ROBO2: variants seen among roughly 807,000 people sequenced by gnomAD.
ROBO2 encodes roundabout homolog 2.
Under a neutral mutation model 160.8 loss-of-function variants are expected in ROBO2, and 53 were observed. That is an observed-to-expected ratio of 0.33 (90% confidence interval 0.26 to 0.41). The LOEUF (loss-of-function observed/expected upper bound fraction) is 0.41, where lower values mean the gene tolerates loss of function less well. ROBO2 is among the 10% of genes least tolerant of loss of function. The probability of loss-of-function intolerance (pLI) is 1.00; values close to 1 mark genes in which losing one functional copy is unlikely to be tolerated. For missense variants in ROBO2, 1,577 were observed against 1,722.4 expected (o/e 0.92, Z 1.49); for synonymous variants, 664 against 611.7 (o/e 1.09, Z -1.26).
chr3:76,749,619 A>C (rs2093947296), intron 2 of ROBO2, among the ~76,000 whole-genome samples: 1 of 152,098 alleles, frequency 6.6e-6, no homozygotes, highest in South Asian at 2.1e-4. Flanking sequence ...CAAAATTTAA[A>C]AATGATAATG....
At chr3:76,817,925 C>T (rs1055809062) in intron 2 of ROBO2, among the ~76,000 whole-genome samples, 3 of 150,722 alleles carry the variant, frequency 2.0e-5, no homozygotes, top group Non-Finnish European at 4.4e-5. Context: ...CAGGTGGCTC[C>T]GTAGTTTTGC....
chr3:76,190,662 T>G (rs1701966627), intron 2 of ROBO2, among the ~76,000 whole-genome samples: 1 of 152,118 alleles, frequency 6.6e-6, no homozygotes, highest in Admixed American at 6.6e-5. Context: ...TAAACCAGGT[T>G]AATTTAAACA....
chr3:77,582,474 T>C (rs1186056628), intron 16 of ROBO2, among the ~76,000 whole-genome samples: 2 of 152,188 alleles, frequency 1.3e-5, no homozygotes, highest in East Asian at 3.9e-4. Flanking sequence ...ATTGGTGTGT[T>C]TGTTTAGAAT....
chr3:77,273,053 C>G (rs773888698), intron 2 of ROBO2, among the ~76,000 whole-genome samples: 2 of 152,110 alleles, frequency 1.3e-5, no homozygotes, highest in Non-Finnish European at 2.9e-5. Context: ...TGAATGATCC[C>G]ATTACTCAGG....
intron 1 of ROBO2, among the ~76,000 whole-genome samples, chr3:77,062,302 T>C (rs2149777362): frequency 6.6e-6 from 1 of 152,260 alleles, no homozygotes; most frequent in Non-Finnish European, 1.5e-5. Context: ...CTACCAGAGG[T>C]GTTTAAACCC....
intron 2 of ROBO2, among the ~76,000 whole-genome samples, chr3:77,108,193 TA>T (rs1287976769): frequency 2.0e-5 from 3 of 150,350 alleles, no homozygotes; most frequent in Non-Finnish European, 4.4e-5. Flanking sequence ...CATATATATG[TA>T]TACACATATG....
At chr3:76,362,101 A>G (rs1230423239) in intron 2 of ROBO2, among the ~76,000 whole-genome samples, 1 of 152,144 alleles carries the variant, frequency 6.6e-6, no homozygotes, top group East Asian at 1.9e-4. Flanking sequence ...GCAGTGACTC[A>G]CGCTTGTAAT....
At position 76,755,643 on chromosome 3, in the gene ROBO2, G is replaced by A. The variant is rs1301462805; in HGVS notation, c.110-342371G>A. ...CACCTCCAATGAACTCAACTTCCTT[G>A]TTGTAATGGACAATATCTTTTTTCA... On this transcript the variant is annotated intron_variant, in intron 2 of 26. Coordinates refer to the ROBO2 transcript ENST00000487694. Among the ~76,000 whole-genome samples the A allele has an allele frequency of 2.0e-5, 3 of 151,778 alleles. No individual in the cohort carries two copies. The East Asian group carries it at 5.9e-4, about 30-fold the overall frequency.
At chr3:76,637,383 C>T (rs2090399070) in intron 2 of ROBO2, among the ~76,000 whole-genome samples, 1 of 151,494 alleles carries the variant, frequency 6.6e-6, no homozygotes, top group South Asian at 2.1e-4. Context: ...ACTTCAAAGA[C>T]CTGCATTTCT....
chr3:76,225,859 A>C lies in ROBO2; in HGVS notation c.109+288257A>C, dbSNP rs1397204150. Among the ~76,000 whole-genome samples the C allele has an allele frequency of 3.2e-4, 48 of 151,940 alleles. 1 individual carries two copies. The highest frequency in any genetic ancestry group is 3.1e-3 in the Admixed American group (48 of 15,250). On this transcript the variant is annotated intron_variant, in intron 2 of 26. Transcript: ENST00000487694. ...AGCTTATACTTTCAAATACCAAAAA[A>C]CTCTAAACATTGCAAGATACATTAA... is the stretch of plus-strand genomic sequence containing the variant.
chr3:77,554,223 C>T (rs374358026), intron 8 of ROBO2, among the ~76,000 whole-genome samples: 6 of 151,346 alleles, frequency 4.0e-5, no homozygotes, highest in African/African-American at 9.7e-5. Context: ...GTTTACCTAC[C>T]GAAATATTTT....
At chr3:77,432,376 C>T (rs1322202889) in intron 2 of ROBO2, among the ~76,000 whole-genome samples, 2 of 152,150 alleles carry the variant, frequency 1.3e-5, no homozygotes, top group Admixed American at 6.5e-5. Flanking sequence ...AACTATTGTT[C>T]GCAATGGGGC....
At chr3:77,475,035 T>A (rs531129950) in intron 2 of ROBO2, among the ~76,000 whole-genome samples, 1 of 151,868 alleles carries the variant, frequency 6.6e-6, no homozygotes, top group East Asian at 1.9e-4. Context: ...AGGCTGCCTA[T>A]GGTGGAACCT....
At chr3:77,059,441 C>T (rs1480728873) in intron 1 of ROBO2, among the ~76,000 whole-genome samples, 2 of 152,188 alleles carry the variant, frequency 1.3e-5, no homozygotes, top group South Asian at 2.1e-4. Context: ...GCCTATAAGG[C>T]GTAAAATTTC....
intron 2 of ROBO2, among the ~76,000 whole-genome samples, chr3:76,172,886 G>A (rs1443888760): frequency 6.6e-6 from 1 of 151,972 alleles, no homozygotes; most frequent in East Asian, 1.9e-4. Flanking sequence ...GAATTAATGT[G>A]CAAACTGCAG....
intron 2 of ROBO2, among the ~76,000 whole-genome samples, chr3:77,471,352 T>C (rs1234746167): frequency 6.6e-6 from 1 of 152,220 alleles, no homozygotes; most frequent in Non-Finnish European, 1.5e-5. Context: ...AGCTCTAAAA[T>C]CACAGCTGGA....
At chr3:76,154,496 A>T (rs913491773) in intron 2 of ROBO2, among the ~76,000 whole-genome samples, 11 of 152,158 alleles carry the variant, frequency 7.2e-5, no homozygotes, top group Admixed American at 2.6e-4. Context: ...TGGATAAAAT[A>T]AACAGAGATT....
chr3:76,347,320 C>T (rs1185792206), intron 2 of ROBO2, among the ~76,000 whole-genome samples: 1 of 152,060 alleles, frequency 6.6e-6, no homozygotes, highest in Non-Finnish European at 1.5e-5. Flanking sequence ...AACATTTTTA[C>T]TTTAAGGAAC....
chr3:76,526,624 G>T (rs1296078971), intron 2 of ROBO2, among the ~76,000 whole-genome samples: 1 of 151,736 alleles, frequency 6.6e-6, no homozygotes, highest in Non-Finnish European at 1.5e-5. Context: ...TATTCAGTTT[G>T]GTTCTTCTAT....
Sources: gnomAD v4.1 joint callset for allele counts (sites outside exome capture counted in the v4.1 genomes callset) on GRCh38, gnomAD v4.1.1 for gene constraint, MANE v1.5 for transcripts, NCBI Gene and HGNC (gene_info 2026-07-23, HGNC 2026-07-21) for gene names.